The following CYP39A1 variants were observed in gnomAD, a reference collection of about 807,000 sequenced individuals.
The protein encoded by CYP39A1 is cytochrome P450 family 39 subfamily A member 1.
CYP39A1 carries 49 observed loss-of-function variants against 58.1 expected under a neutral mutation model. The ratio of observed to expected loss-of-function variants is 0.84; its 90% CI spans 0.67 to 1.07. The LOEUF (loss-of-function observed/expected upper bound fraction) is 1.07, where lower values mean the gene tolerates loss of function less well. Ranked by LOEUF, CYP39A1 falls within the 50% of genes least tolerant of loss-of-function variation. CYP39A1 has a pLI of 0.00. For missense variants in CYP39A1, 531 were observed against 539.4 expected, an observed-to-expected ratio of 0.98 and a Z score of 0.16; for synonymous variants, 209 against 187.6, an observed-to-expected ratio of 1.11 and a Z score of -0.93.
At chr6:46,610,064 T>C (rs1309785952) in intron 7 of CYP39A1, among the ~76,000 whole-genome samples, 1 of 152,212 alleles carries the variant, frequency 6.6e-6, no homozygotes, top group East Asian at 1.9e-4. Context: ...GAGTGCAGGT[T>C]TCTAGAATAT....
intron 10 of CYP39A1, chr6:46,586,193 G>T: frequency 1.0e-6 from 1 of 979,920 alleles, no homozygotes; most frequent in Non-Finnish European, 1.2e-6. Context: ...TGGATACTGC[G>T]GAGCAATTAA....
intron 6 of CYP39A1, among the ~76,000 whole-genome samples, chr6:46,628,762 T>C (rs767602255): frequency 6.6e-6 from 1 of 152,168 alleles, no homozygotes; most frequent in Non-Finnish European, 1.5e-5. Flanking sequence ...TAAAGCAGAA[T>C]AGCAGTGGAT....
chr6:46,642,532 GCTT>G (rs1160859418), intron 1 of CYP39A1, among the ~76,000 whole-genome samples: 2 of 151,842 alleles, frequency 1.3e-5, no homozygotes, highest in Admixed American at 6.6e-5. Flanking sequence ...CCTATTTATA[GCTT>G]CTTTTCTTGT....
intron 10 of CYP39A1, among the ~76,000 whole-genome samples, chr6:46,563,854 A>G (rs754287730): frequency 5.6e-4 from 85 of 152,276 alleles, no homozygotes; most frequent in Middle Eastern, 6.8e-3. Context: ...GATGTTTAGA[A>G]AGGTAAGGCT....
chr6:46,575,349 T>G (rs1001310276), intron 10 of CYP39A1, among the ~76,000 whole-genome samples: 1 of 151,994 alleles, frequency 6.6e-6, no homozygotes, highest in Admixed American at 6.6e-5. Context: ...CTGGAGAGAG[T>G]GGGGTTGTCT....
rs534921390 is a variant in CYP39A1 at position 46,644,835 on chromosome 6, CT to C, written c.178-2538del. Among the ~76,000 whole-genome samples, 11 of 152,262 alleles carry C rather than the reference CT, an allele frequency of 7.2e-5. No individual in the cohort carries two copies. The South Asian group carries it at 2.1e-3, about 29-fold the overall frequency. On this transcript the variant is annotated intron_variant, in intron 1 of 11. Coordinates refer to ENST00000275016, the MANE Select transcript of CYP39A1 (RefSeq NM_016593.5). ...TGTTGCAATTTTTATCTTTGCCGTT[CT>C]GATAGATGTGTAGTAGTATCTCATG...
chr6:46,631,180 A>G, intron 5 of CYP39A1, 110 bp from the exon 6 acceptor site: 2 of 888,998 alleles, frequency 2.2e-6, no homozygotes, highest in Admixed American at 2.1e-5. Flanking sequence ...CATTTCTGCC[A>G]TTCCCAGGTT....
chr6:46,602,212 G>T (rs1420391504), intron 7 of CYP39A1, among the ~76,000 whole-genome samples: 1 of 152,124 alleles, frequency 6.6e-6, no homozygotes, highest in Non-Finnish European at 1.5e-5. Flanking sequence ...AGGTTAATTA[G>T]GAAGCTTTTA....
At chr6:46,596,449 C>A (rs1408766743) in intron 7 of CYP39A1, among the ~76,000 whole-genome samples, 2 of 152,010 alleles carry the variant, frequency 1.3e-5, no homozygotes, top group South Asian at 2.1e-4. Context: ...TTTTTCTTGT[C>A]TAAATTCTCA....
At chr6:46,582,293 T>C (rs1772174134) in intron 10 of CYP39A1, among the ~76,000 whole-genome samples, 1 of 152,186 alleles carries the variant, frequency 6.6e-6, no homozygotes, top group Admixed American at 6.5e-5. Flanking sequence ...TTTCTAAGTA[T>C]AAAAGGGAGA....
chr6:46,600,786 G>C (rs951271748), intron 7 of CYP39A1, among the ~76,000 whole-genome samples: 3 of 152,168 alleles, frequency 2.0e-5, no homozygotes, highest in Non-Finnish European at 4.4e-5. Flanking sequence ...CTATTCATGT[G>C]TATAGTTTCT....
intron 5 of CYP39A1, among the ~76,000 whole-genome samples, chr6:46,631,578 C>A (rs1462280154): frequency 1.3e-5 from 2 of 152,184 alleles, no homozygotes; most frequent in African/African-American, 4.8e-5. Flanking sequence ...CTGCTCTTAG[C>A]AAAATGCAAG....
chr6:46,599,320 G>C (rs1171372782), intron 7 of CYP39A1, among the ~76,000 whole-genome samples: 1 of 152,016 alleles, frequency 6.6e-6, no homozygotes, highest in East Asian at 1.9e-4. Flanking sequence ...AGACGGGGGA[G>C]GGAGGTGTCA....
intron 10 of CYP39A1, among the ~76,000 whole-genome samples, chr6:46,566,120 G>A (rs1046008163): frequency 6.6e-6 from 1 of 152,138 alleles, no homozygotes; most frequent in Non-Finnish European, 1.5e-5. Context: ...ATAAGTGGCT[G>A]TTACTAGGAG....
intron 5 of CYP39A1, among the ~76,000 whole-genome samples, chr6:46,631,525 C>A (rs905656234): frequency 6.6e-6 from 1 of 152,178 alleles, no homozygotes; most frequent in Admixed American, 6.5e-5. Flanking sequence ...GTGTTATTAT[C>A]TCTGCCCTCC....
chr6:46,572,792 T>C (rs1320123365), intron 10 of CYP39A1, among the ~76,000 whole-genome samples: 3 of 152,152 alleles, frequency 2.0e-5, no homozygotes, highest in Admixed American at 6.5e-5. Flanking sequence ...ACTTTTATGA[T>C]GCATACATTG....
At chr6:46,619,040 T>C (rs1415828852) in intron 7 of CYP39A1, among the ~76,000 whole-genome samples, 5 of 152,180 alleles carry the variant, frequency 3.3e-5, no homozygotes, top group African/African-American at 1.2e-4. Flanking sequence ...AACTAGCTAA[T>C]GCTAAACTGT....
At position 46,588,123 on chromosome 6, in the gene CYP39A1, T is replaced by C. The variant is rs756995326; in HGVS notation, c.1072A>G (p.Ile358Val). The C allele has an allele frequency of 6.3e-7, 1 of 1,578,968 alleles. No individual in the cohort carries two copies. Among genetic ancestry groups the C allele is most frequent in the South Asian group, 1.2e-5 (1 of 84,510 alleles). Residue 358 changes from isoleucine (I) to valine (V), a missense_variant, in exon 9 of 12, where the codon ATC (isoleucine) becomes GTC (valine). Physicochemically the swap from Ile to Val is conservative, Grantham distance 29. Transcript: ENST00000275016. The stretch of plus-strand genomic sequence containing the variant: ...ATCAACAAGTCACCAGAAGGAATGA[T>C]GTAATTCTATAACAGAAAAATCAGC... ...VVKPVEILNYIIPSGDLLMLS... is the reference protein window; with the variant it reads ...VVKPVEILNYVIPSGDLLMLS...
At chr6:46,633,112 T>TA in intron 5 of CYP39A1, among the ~76,000 whole-genome samples, 1 of 152,324 alleles carries the variant, frequency 6.6e-6, no homozygotes, top group East Asian at 1.9e-4. Flanking sequence ...GTGAAATATG[T>TA]AACACTATGC....
Sources: allele counts gnomAD v4.1 joint callset (sites outside exome capture counted in the v4.1 genomes callset), GRCh38; gene constraint gnomAD v4.1.1; transcripts MANE v1.5; gene names NCBI Gene and HGNC (gene_info 2026-07-23, HGNC 2026-07-21).